The following KRABD5 variants were observed in gnomAD, a reference collection of about 807,000 sequenced individuals.
KRABD5 encodes KRAB domain containing 5.
the KRABD5 span, among the ~76,000 whole-genome samples, chr16:31,718,019 C>T: frequency 7.9e-5 from 12 of 152,150 alleles, no homozygotes; most frequent in African/African-American, 2.9e-4. Context: ...GAAACCGATT[C>T]AGAGACCATG....
chr16:31,741,709 C>G, the KRABD5 span, among the ~76,000 whole-genome samples: 1 of 151,924 alleles, frequency 6.6e-6, no homozygotes, highest in African/African-American at 2.4e-5. Flanking sequence ...AGGCCTTTGT[C>G]AGGTAGATAG....
chr16:31,735,590 G>T, the KRABD5 span, among the ~76,000 whole-genome samples: 1 of 151,786 alleles, frequency 6.6e-6, no homozygotes, highest in Non-Finnish European at 1.5e-5. Context: ...TATATTTTTT[G>T]TCTTTTTGAT....
the KRABD5 span, chr16:31,714,510 G>T: frequency 2.3e-6 from 1 of 438,970 alleles, no homozygotes; most frequent in African/African-American, 2.0e-5. Flanking sequence ...TTTAGAGCTC[G>T]CTAGATGCTT....
the KRABD5 span, among the ~76,000 whole-genome samples, chr16:31,743,716 A>G: frequency 6.6e-6 from 1 of 152,210 alleles, no homozygotes; most frequent in Non-Finnish European, 1.5e-5. Context: ...TTTGGGCAGT[A>G]TGACCATTTT....
chr16:31,727,727 G>C, the KRABD5 span, among the ~76,000 whole-genome samples: 82,143 of 151,754 alleles, frequency 0.54, 24,870 homozygotes, highest in Middle Eastern at 0.71. Flanking sequence ...ATTTAATCTT[G>C]GTGAGTCATT....
At chr16:31,724,184 G>A in the KRABD5 span, among the ~76,000 whole-genome samples, 13 of 151,868 alleles carry the variant, frequency 8.6e-5, no homozygotes, top group Non-Finnish European at 7.4e-5. Flanking sequence ...CTTTATGTTC[G>A]TTTTCTTTCT....
the KRABD5 span, chr16:31,723,373 G>A: frequency 1.3e-5 from 21 of 1,605,588 alleles, no homozygotes; most frequent in Admixed American, 1.7e-5. Context: ...AGTGAATGAA[G>A]TAGATGACAT....
the KRABD5 span, among the ~76,000 whole-genome samples, chr16:31,728,142 A>G: frequency 6.6e-6 from 1 of 152,338 alleles, no homozygotes; most frequent in East Asian, 1.9e-4. Flanking sequence ...AGCATGAGGA[A>G]GTGCACCCAG....
At chr16:31,719,695 T>G in the KRABD5 span, among the ~76,000 whole-genome samples, 7 of 152,202 alleles carry the variant, frequency 4.6e-5, no homozygotes, top group Admixed American at 6.5e-5. Flanking sequence ...GTGGTTGCTC[T>G]TGCTGGTTCT....
the KRABD5 span, chr16:31,760,881 A>G: frequency 1.3e-5 from 2 of 152,106 alleles, no homozygotes; most frequent in East Asian, 1.9e-4. Context: ...CACTTTCTCA[A>G]ATTATTTGAA....
chr16:31,718,334 C>G, the KRABD5 span, among the ~76,000 whole-genome samples: 1 of 152,144 alleles, frequency 6.6e-6, no homozygotes, highest in African/African-American at 2.4e-5. Flanking sequence ...CACCTGGGAT[C>G]CACAAGACAG....
the KRABD5 span, among the ~76,000 whole-genome samples, chr16:31,731,818 A>G: frequency 6.6e-6 from 1 of 152,230 alleles, no homozygotes; most frequent in Non-Finnish European, 1.5e-5. Flanking sequence ...GCAAAGTTTC[A>G]GTGCCACTTC....
chr16:31,752,466 A>T, the KRABD5 span, among the ~76,000 whole-genome samples: 1 of 152,206 alleles, frequency 6.6e-6, no homozygotes, highest in Admixed American at 6.5e-5. Flanking sequence ...AGTTTGGTGC[A>T]TAGGTGTTTA....
At chr16:31,743,447 T>C in the KRABD5 span, among the ~76,000 whole-genome samples, 4 of 152,210 alleles carry the variant, frequency 2.6e-5, no homozygotes, top group Admixed American at 2.6e-4. Flanking sequence ...TATGGTGTTA[T>C]TTCTGAGGTC....
the KRABD5 span, among the ~76,000 whole-genome samples, chr16:31,719,356 C>T: frequency 6.6e-6 from 1 of 152,024 alleles, no homozygotes; most frequent in South Asian, 2.1e-4. Flanking sequence ...CCCAGAAGGC[C>T]CTACATGTTT....
At chr16:31,737,936 A>G in the KRABD5 span, among the ~76,000 whole-genome samples, 1 of 152,170 alleles carries the variant, frequency 6.6e-6, no homozygotes, top group African/African-American at 2.4e-5. Flanking sequence ...TCTTAACAGT[A>G]TTGTCTTCAA....
At chr16:31,759,210 T>G in the KRABD5 span, 1 of 807,532 alleles carries the variant, frequency 1.2e-6, no homozygotes, top group Non-Finnish European at 1.9e-6. Flanking sequence ...AATAAGAAAA[T>G]GAACTAATTG....
chr16:31,750,671 G>T, the KRABD5 span, among the ~76,000 whole-genome samples: 1 of 151,832 alleles, frequency 6.6e-6, no homozygotes, highest in Non-Finnish European at 1.5e-5. Flanking sequence ...CTCATAGATG[G>T]CTCTCATTTA....
At chr16:31,723,829 A>G in the KRABD5 span, among the ~76,000 whole-genome samples, 14 of 152,272 alleles carry the variant, frequency 9.2e-5, no homozygotes, top group African/African-American at 3.4e-4. Context: ...TTCTAATCCT[A>G]TGGTGGTTTC....
Sources: allele counts gnomAD v4.1 joint callset (sites outside exome capture counted in the v4.1 genomes callset), GRCh38; gene constraint gnomAD v4.1.1; transcripts MANE v1.5; gene names NCBI Gene and HGNC (gene_info 2026-07-23, HGNC 2026-07-21).